The following AK6 variants were observed in gnomAD, a reference collection of about 807,000 sequenced individuals.
AK6 encodes the protein adenylate kinase 6.
In AK6, 24 loss-of-function variants were observed where a neutral mutation model predicts 23.7. That is an observed-to-expected ratio of 1.01 (90% CI 0.73 to 1.43). The LOEUF is 1.43. Among genes scored for constraint, AK6 ranks in the 40% most tolerant of loss-of-function variants. AK6 has a pLI of 0.00. For synonymous variants in AK6, 73 were observed against 69.8 expected (o/e 1.05, Z -0.23); for missense variants, 191 against 199.1 (o/e 0.96, Z 0.24).
intron 2 of AK6, among the ~76,000 whole-genome samples, chr5:69,359,385 C>T (rs896496233): frequency 3.9e-5 from 6 of 152,184 alleles, no homozygotes; most frequent in Admixed American, 6.5e-5. Context: ...GCTGGGATTA[C>T]GGGTGCCCGC....
chr5:69,362,118 C>T (rs1762257193), intron 2 of AK6, among the ~76,000 whole-genome samples: 1 of 151,002 alleles, frequency 6.6e-6, no homozygotes, highest in Non-Finnish European at 1.5e-5. Flanking sequence ...TCTTTTTTTC[C>T]GACTTTAGTG....
intron 2 of AK6, among the ~76,000 whole-genome samples, chr5:69,361,869 A>T (rs536654417): frequency 1.6e-4 from 25 of 151,542 alleles, no homozygotes; most frequent in Non-Finnish European, 2.4e-4. Context: ...GCCTCCCAAA[A>T]GTGCTAGGAT....
At chr5:69,356,488 A>G (rs1762088150) in intron 2 of AK6, among the ~76,000 whole-genome samples, 1 of 148,664 alleles carries the variant, frequency 6.7e-6, no homozygotes, top group African/African-American at 2.5e-5. Flanking sequence ...TTTCTACAGA[A>G]AAAAAAAAAA....
Position 69,352,036 on chromosome 5 carries a change from A to T in AK6, c.*25T>A, listed in dbSNP as rs773131250. ...GTCGGCAGAGATATCAACAAGAGTGATTATTAAGTAGCTAGCCTTATAAGT... is the reference window on the plus strand; with the variant it reads ...GTCGGCAGAGATATCAACAAGAGTGTTTATTAAGTAGCTAGCCTTATAAGT... On this transcript the variant is annotated 3_prime_UTR_variant, in exon 5 of 5. Transcript: ENST00000380822. 1 of 1,569,760 alleles carries T rather than the reference A, an allele frequency of 6.4e-7. No homozygotes were observed. Among genetic ancestry groups the T allele is most frequent in the South Asian group, 1.2e-5 (1 of 86,780 alleles).
intron 2 of AK6, among the ~76,000 whole-genome samples, chr5:69,361,751 CCCA>C (rs1258308904): frequency 2.6e-5 from 4 of 151,828 alleles, no homozygotes; most frequent in African/African-American, 9.7e-5. Flanking sequence ...ATTACTGGGG[CCCA>C]CCACCATACC....
At chr5:69,353,320 C>T (rs749426861) in intron 4 of AK6, among the ~76,000 whole-genome samples, 91 of 152,084 alleles carry the variant, frequency 6.0e-4, no homozygotes, top group Middle Eastern at 3.4e-3. Flanking sequence ...TTTTTTGAGA[C>T]GGAGTCTTGC....
At chr5:69,366,822 A>T (rs766281870) in intron 1 of AK6, 7 of 501,686 alleles carry the variant, frequency 1.4e-5, no homozygotes, top group Non-Finnish European at 2.2e-5. Context: ...GCAGTGGCAC[A>T]ATCTTGGCTC....
intron 4 of AK6, chr5:69,355,405 T>C (rs1762055302): frequency 2.4e-6 from 1 of 417,210 alleles, no homozygotes; most frequent in Non-Finnish European, 4.2e-6. Context: ...AGGTGGCATG[T>C]GCCCGTGGTC....
chr5:69,360,239 AGATTCTAGGTAG>A (rs1762194935), intron 2 of AK6, among the ~76,000 whole-genome samples: 1 of 152,208 alleles, frequency 6.6e-6, no homozygotes, highest in African/African-American at 2.4e-5. Flanking sequence ...GTCAAACAGG[AGATTCTAGGTAG>A]GATTCTAGGC....
In AK6 at chr5:69,364,703, A is replaced by C. The variant is rs1394410467; in HGVS notation, c.121+1800T>G. On this transcript the variant is annotated intron_variant, in intron 2 of 4. Coordinates refer to ENST00000380822, the MANE Select transcript of AK6 (RefSeq NM_016283.5). The stretch of plus-strand genomic sequence containing the variant: ...TACTCCTCTTGGTGACAACAAGGAG[A>C]AAATTGCTTTTAAAAACATAACTGC... 5 of 596,736 alleles carry C rather than the reference A, an allele frequency of 8.4e-6. No individual in the cohort carries two copies. In the Middle Eastern group the frequency reaches 1.4e-3, roughly 161 times the overall value. The allele number at this position is 596,736 out of a possible 1,614,324, so 37.0% of individuals were successfully genotyped here.
In AK6 at chr5:69,355,925, C is replaced by T. The variant is rs1762073401; in HGVS notation, c.150G>A (p.Glu50=). 4 of 1,609,712 alleles carry T rather than the reference C, an allele frequency of 2.5e-6. No individual in the cohort carries two copies. The highest frequency in any genetic ancestry group is 3.4e-6 in the Non-Finnish European group (4 of 1,178,796). ...EEQLYDGYDE[E]YDCPILDEDR... is the part of the protein sequence containing the mutation. ...CTTCATCTAAAATGGGACAGTCATA[C>T]TCTTCATCATAGCCATCATACAATT... The change falls in exon 3 of 5, where the codon GAG becomes GAA. Residue 50 remains glutamate, a synonymous_variant. Coordinates refer to ENST00000380822, the MANE Select transcript of AK6 (RefSeq NM_016283.5).
intron 4 of AK6, among the ~76,000 whole-genome samples, chr5:69,353,125 T>G (rs1761990930): frequency 6.6e-6 from 1 of 151,994 alleles, no homozygotes; most frequent in Admixed American, 6.6e-5. Context: ...ACAAACTAAT[T>G]TGACAGGAGA....
intron 2 of AK6, chr5:69,365,720 C>T (rs749003620): frequency 1.9e-6 from 3 of 1,555,856 alleles, no homozygotes; most frequent in Non-Finnish European, 2.6e-6. Flanking sequence ...TGGGAGAAGC[C>T]GTCTTGCCAG....
chr5:69,358,626 A>G (rs1245408903), intron 2 of AK6, among the ~76,000 whole-genome samples: 1 of 151,002 alleles, frequency 6.6e-6, no homozygotes, highest in Non-Finnish European at 1.5e-5. Context: ...TTTGAGACGG[A>G]GTCCCAGAGG....
chr5:69,369,243 C>CCCCCCCCCCCCCCCCCCA lies in AK6; in HGVS notation c.28+219_28+220insTGGGGGGGGGGGGGGGGG. On this transcript the variant is annotated intron_variant, in intron 1 of 4. Coordinates refer to ENST00000380822, the MANE Select transcript of AK6 (RefSeq NM_016283.5). ...CTCTCTCCACCCCCCCCCGCCCCCC[C>CCCCCCCCCCCCCCCCCCA]CCGGAGCCTCAGGCCAACGGAATTA... 2 of 261,300 alleles carry CCCCCCCCCCCCCCCCCCA rather than the reference C, an allele frequency of 7.7e-6. 1 individual carries two copies. The highest frequency in any genetic ancestry group is 2.3e-4 in the South Asian group (2 of 8,618). The allele number at this position is 261,300 out of a possible 1,614,324, so 16.2% of individuals were successfully genotyped here.
intron 2 of AK6, among the ~76,000 whole-genome samples, chr5:69,361,009 G>A (rs528689402): frequency 4.6e-5 from 7 of 152,270 alleles, no homozygotes; most frequent in African/African-American, 7.2e-5. Flanking sequence ...AACAGAGGCC[G>A]AAGACCGAAA....
At chr5:69,365,407 A>T in intron 2 of AK6, 1 of 1,614,236 alleles carries the variant, frequency 6.2e-7, no homozygotes, top group Non-Finnish European at 8.5e-7. Context: ...CTAGGACCTG[A>T]ATATGGCTTG....
intron 2 of AK6, among the ~76,000 whole-genome samples, chr5:69,361,065 G>A (rs116277938): frequency 1.2e-3 from 190 of 152,344 alleles, no homozygotes; most frequent in African/African-American, 4.4e-3. Flanking sequence ...GTATAAAAAT[G>A]ATTGTATATA....
intron 1 of AK6, among the ~76,000 whole-genome samples, chr5:69,368,506 C>T (rs546749730): frequency 6.6e-6 from 1 of 152,068 alleles, no homozygotes; most frequent in Non-Finnish European, 1.5e-5. Flanking sequence ...TATGTTTGAT[C>T]CATGCAAAAA....
Sources: allele counts gnomAD v4.1 joint callset (sites outside exome capture counted in the v4.1 genomes callset), GRCh38; gene constraint gnomAD v4.1.1; transcripts MANE v1.5; gene names NCBI Gene and HGNC (gene_info 2026-07-23, HGNC 2026-07-21).